The following ABCB1 variants were observed in gnomAD, a reference collection of about 807,000 sequenced individuals.
The protein encoded by ABCB1 is ATP binding cassette subfamily B member 1, also known as ATP-dependent translocase ABCB1.
Under a neutral mutation model 142.0 loss-of-function variants are expected in ABCB1, and 69 were observed. The observed-to-expected ratio is 0.49, with a 90% CI of 0.40 to 0.59. ABCB1 has a LOEUF of 0.59. Ranked by LOEUF, ABCB1 falls within the 20% of genes least tolerant of loss-of-function variation. The pLI is 0.00. For synonymous variants in ABCB1, 532 were observed against 539.2 expected (o/e 0.99, Z 0.18); for missense variants, 1,326 against 1,554.7 (o/e 0.85, Z 2.47).
chr7:87,555,998 G>C (rs893839107), intron 8 of ABCB1, among the ~76,000 whole-genome samples: 1 of 152,148 alleles, frequency 6.6e-6, no homozygotes, highest in Non-Finnish European at 1.5e-5. Context: ...AGAAATAAAG[G>C]AAAGAAGGGG....
chr7:87,622,727 G>C (rs937072801), intron 1 of ABCB1, among the ~76,000 whole-genome samples: 5 of 152,068 alleles, frequency 3.3e-5, no homozygotes, highest in Non-Finnish European at 5.9e-5. Flanking sequence ...AGTGAAACAT[G>C]TTAGAAAAAA....
chr7:87,703,913 G>T (rs202229230), intron 1 of ABCB1, among the ~76,000 whole-genome samples: 3,667 of 30,956 alleles, frequency 0.12, 6 homozygotes, highest in Middle Eastern at 0.16. Context: ...TTTTTTTTTT[G>T]GTTTTTTTTT....
rs371876561 is a variant in ABCB1, at chr7:87,516,715, T to C, written c.2928-50A>G. 19 of 1,436,406 alleles carry C rather than the reference T, an allele frequency of 1.3e-5. No individual in the cohort carries two copies. The African/African-American group carries it at 2.7e-4, about 20-fold the overall frequency. The allele number at this position is 1,436,406 out of a possible 1,614,324, so 89.0% of individuals were successfully genotyped here. The stretch of plus-strand genomic sequence containing the variant: ...GTGCACAGCATTACCATCACAATGC[T>C]AGAAAGCTGACACTCCTTTTTTTTT... On this transcript the variant is annotated intron_variant, in intron 23 of 27. Transcript: ENST00000622132.
At position 87,505,639 on chromosome 7, in the gene ABCB1, T is replaced by C. The variant is rs28401820; in HGVS notation, c.3636+258A>G. Among the ~76,000 whole-genome samples, 52 of 152,338 alleles carry C rather than the reference T, an allele frequency of 3.4e-4. No individual in the cohort carries two copies. In the East Asian group the frequency reaches 8.7e-3, roughly 25 times the overall value. Reference sequence around the variant, plus strand: ...ATGCTGCCAGTAGAAGTAGGAAATATGGTTCCTGAAAGCAGCTTCTTAGGT... The same window carrying C: ...ATGCTGCCAGTAGAAGTAGGAAATACGGTTCCTGAAAGCAGCTTCTTAGGT... On this transcript the variant is annotated intron_variant, in intron 27 of 27. Transcript: ENST00000622132.
At chr7:87,591,493 A>C (rs994597270) in intron 3 of ABCB1, among the ~76,000 whole-genome samples, 1 of 152,174 alleles carries the variant, frequency 6.6e-6, no homozygotes, top group Non-Finnish European at 1.5e-5. Flanking sequence ...ACCTTCATAG[A>C]GGAAAGCTCA....
At chr7:87,586,078 T>C (rs1345925776) in intron 3 of ABCB1, among the ~76,000 whole-genome samples, 1 of 152,172 alleles carries the variant, frequency 6.6e-6, no homozygotes, top group Non-Finnish European at 1.5e-5. Context: ...GAGGATACCA[T>C]GGAGGAAACA....
chr7:87,590,871 G>A (rs1302425099), intron 3 of ABCB1, among the ~76,000 whole-genome samples: 1 of 152,132 alleles, frequency 6.6e-6, no homozygotes, highest in East Asian at 1.9e-4. Flanking sequence ...TAAATTTTTA[G>A]AAGAGCAAAA....
At chr7:87,641,219 T>C (rs1822420400) in intron 1 of ABCB1, among the ~76,000 whole-genome samples, 1 of 152,182 alleles carries the variant, frequency 6.6e-6, no homozygotes, top group Non-Finnish European at 1.5e-5. Flanking sequence ...TAGTATACAG[T>C]AGAAATAGAC....
chr7:87,555,724 A>G (rs1288264185), intron 8 of ABCB1, among the ~76,000 whole-genome samples: 1 of 152,170 alleles, frequency 6.6e-6, no homozygotes, highest in Admixed American at 6.5e-5. Context: ...TTATATACAC[A>G]TATGCACACA....
At chr7:87,593,262 A>G (rs1267684604) in intron 3 of ABCB1, among the ~76,000 whole-genome samples, 1 of 152,178 alleles carries the variant, frequency 6.6e-6, no homozygotes, top group East Asian at 1.9e-4. Flanking sequence ...CATTTTGTGT[A>G]GAAATTACAG....
intron 1 of ABCB1, chr7:87,709,596 C>A: frequency 1.2e-6 from 1 of 805,900 alleles, no homozygotes; most frequent in Non-Finnish European, 1.5e-6. Flanking sequence ...CAGGTTTTAA[C>A]TACTGCCTAT....
intron 21 of ABCB1, among the ~76,000 whole-genome samples, chr7:87,525,743 G>T (rs1273400986): frequency 6.6e-6 from 1 of 152,072 alleles, no homozygotes; most frequent in African/African-American, 2.4e-5. Flanking sequence ...CTGTCTCAGG[G>T]GTGGCAGAGG....
intron 18 of ABCB1, among the ~76,000 whole-genome samples, chr7:87,540,000 A>T (rs1816462469): frequency 6.6e-6 from 1 of 152,232 alleles, no homozygotes; most frequent in Non-Finnish European, 1.5e-5. Flanking sequence ...CAATCCTATA[A>T]GTAGTTAGAG....
chr7:87,702,465 A>T (rs1829177798), intron 1 of ABCB1, among the ~76,000 whole-genome samples: 1 of 151,946 alleles, frequency 6.6e-6, no homozygotes, highest in Non-Finnish European at 1.5e-5. Flanking sequence ...TTTTTTGTAG[A>T]GATAATATCT....
intron 1 of ABCB1, among the ~76,000 whole-genome samples, chr7:87,701,584 A>G (rs1022478831): frequency 6.6e-6 from 1 of 152,256 alleles, no homozygotes; most frequent in African/African-American, 2.4e-5. Flanking sequence ...AAGGTAGGTC[A>G]GTAGATTTAA....
chr7:87,686,436 A>G (rs1361382841), intron 1 of ABCB1, among the ~76,000 whole-genome samples: 1 of 152,224 alleles, frequency 6.6e-6, no homozygotes, highest in Non-Finnish European at 1.5e-5. Flanking sequence ...AAAGAGGCAT[A>G]GAAGTACCTC....
At chr7:87,526,988 AT>A (rs112365889) in intron 21 of ABCB1, among the ~76,000 whole-genome samples, 4,295 of 149,210 alleles carry the variant, frequency 0.029, 84 homozygotes, top group African/African-American at 0.061. Flanking sequence ...CCTTTGTGGC[AT>A]TTTTTTTTTC....
At chr7:87,530,822 C>CAAGA (rs1376573110) in intron 21 of ABCB1, among the ~76,000 whole-genome samples, 70 of 80,076 alleles carry the variant, frequency 8.7e-4, no homozygotes, top group African/African-American at 3.0e-3. Flanking sequence ...AGCAAGAAAG[C>CAAGA]AAGAAAGCAA....
chr7:87,641,469 C>A (rs1386964608), intron 1 of ABCB1, among the ~76,000 whole-genome samples: 1 of 152,172 alleles, frequency 6.6e-6, no homozygotes, highest in Non-Finnish European at 1.5e-5. Flanking sequence ...CCTGGCCTTT[C>A]AGGGTTTTCA....
Sources: gnomAD v4.1 joint callset for allele counts (sites outside exome capture counted in the v4.1 genomes callset) on GRCh38, gnomAD v4.1.1 for gene constraint, MANE v1.5 for transcripts, NCBI Gene and HGNC (gene_info 2026-07-23, HGNC 2026-07-21) for gene names.